Variants in MYO5A observed in about 807,000 individuals in gnomAD.
MYO5A encodes the protein myosin VA.
Under a neutral mutation model 249.7 loss-of-function variants are expected in MYO5A, and 98 were observed. That is an observed-to-expected ratio of 0.39 (90% confidence interval 0.33 to 0.46). The LOEUF is 0.46. Ranked by LOEUF, MYO5A falls within the 20% of genes least tolerant of loss-of-function variation. MYO5A has a pLI of 0.98. For missense variants in MYO5A, 1,696 were observed against 2,308.8 expected (o/e 0.73, Z 5.44); for synonymous variants, 778 against 810.6 (o/e 0.96, Z 0.68).
chr15:52,321,475 T>G lies in MYO5A; in HGVS notation c.4835A>C (p.Glu1612Ala). Residue 1612 changes from glutamate (E) to alanine (A), a missense_variant, in exon 38 of 42, where the codon GAA (glutamate) becomes GCA (alanine). Around this residue, in one of 5 missense-constraint regions of MYO5A, gnomAD observed 625 missense variants for 908.1 expected, o/e 0.69. Transcript: ENST00000399233. ...FMKHNTSRQN[E>A]HCLTNFDLAE... ...CAGGTCAAAATTGGTGAGGCAGTGT[T>G]CATTCTGGCGAGATGTGTTGTGCTT... is the stretch of plus-strand genomic sequence containing the variant. 1 of 1,614,224 alleles carries G rather than the reference T, an allele frequency of 6.2e-7. No homozygotes were observed. The highest frequency in any genetic ancestry group is 8.5e-7 in the Non-Finnish European group (1 of 1,180,040).
chr15:52,372,043 C>A, intron 21 of MYO5A, 81 bp downstream of exon 21: 1 of 1,601,592 alleles, frequency 6.2e-7, no homozygotes, highest in South Asian at 1.1e-5. Context: ...AGGGTAAAGT[C>A]AAAGAAAAAC....
intron 1 of MYO5A, among the ~76,000 whole-genome samples, chr15:52,436,302 CCT>C (rs1201948179): frequency 5.9e-5 from 9 of 152,242 alleles, no homozygotes; most frequent in Admixed American, 2.0e-4. Context: ...CTTTCCTTCC[CCT>C]GCCAACCTCT....
At chr15:52,323,324 C>G in intron 37 of MYO5A, 31 bp downstream of exon 37, 1 of 1,559,202 alleles carries the variant, frequency 6.4e-7, no homozygotes, top group Non-Finnish European at 8.8e-7. Context: ...GAAAGTATAG[C>G]ATGCTGGTTT....
chr15:52,337,844 T>C lies in MYO5A; in HGVS notation c.4280A>G (p.Gln1427Arg). 6.5e-7 allele frequency: 1 copy of C among 1,545,290 alleles called. No homozygotes were observed. Residue 1427 changes from glutamine (Q) to arginine (R), a missense_variant, in exon 33 of 42, where the codon CAA becomes CGA. Around this residue, in one of 5 missense-constraint regions of MYO5A, gnomAD observed 625 missense variants for 908.1 expected, o/e 0.69. Transcript: ENST00000399233. ...TTTGTAAAGGGAAATCCGATATGAT[T>C]GATACTTCTTAGGGTCATCTGCATA... ...ELYADDPKKY[Q>R]SYRISLYKRM...
chr15:52,496,084 A>C (rs1303158336), intron 1 of MYO5A, among the ~76,000 whole-genome samples: 1 of 83,950 alleles, frequency 1.2e-5, no homozygotes, highest in Non-Finnish European at 2.5e-5. Context: ...TTTTAAAAAA[A>C]AGAGAAATGA....
intron 9 of MYO5A, among the ~76,000 whole-genome samples, chr15:52,399,000 T>C (rs1264088078): frequency 6.7e-6 from 1 of 149,454 alleles, no homozygotes; most frequent in African/African-American, 2.5e-5. Context: ...AAAAAAAAAA[T>C]TTTTTTCTTA....
chr15:52,471,440 T>C (rs1420344739), intron 1 of MYO5A, among the ~76,000 whole-genome samples: 1 of 151,476 alleles, frequency 6.6e-6, no homozygotes, highest in African/African-American at 2.4e-5. Flanking sequence ...TCTGTCTCAT[T>C]TGAAAAAAGA....
chr15:52,423,562 A>AAAG (rs1567112483), intron 4 of MYO5A, among the ~76,000 whole-genome samples: 3 of 149,230 alleles, frequency 2.0e-5, no homozygotes, highest in African/African-American at 7.4e-5. Flanking sequence ...AAAAAAAAAA[A>AAAG]AAAAGAAAAC....
intron 15 of MYO5A, among the ~76,000 whole-genome samples, chr15:52,383,669 C>T (rs1466386691): frequency 1.3e-5 from 2 of 152,156 alleles, no homozygotes; most frequent in Admixed American, 6.5e-5. Flanking sequence ...GGACCTGGGT[C>T]AGGCCCTGTT....
At chr15:52,505,015 A>G (rs899031866) in intron 1 of MYO5A, among the ~76,000 whole-genome samples, 1 of 152,160 alleles carries the variant, frequency 6.6e-6, no homozygotes, top group African/African-American at 2.4e-5. Flanking sequence ...GTCGTTAAGA[A>G]CTCAGACTCG....
Position 52,323,361 on chromosome 15 carries a change from T to G in MYO5A, c.4794A>C (p.Gly1598=), listed in dbSNP as rs776134745. The change falls in exon 37 of 42, where the codon GGA becomes GGC. Residue 1598 remains glycine (G), a synonymous_variant. Coordinates refer to ENST00000399233, the MANE Select transcript of MYO5A (RefSeq NM_001382347.1). ...RFLHCLKQYS[G]EEGFMKHNTS... ...GTAATCAAGGTTTTCTCACCTCTTC[T>G]CCACTGTACTGTTTCAAGCAGTGCA... The G allele has an allele frequency of 1.9e-6, 3 of 1,612,670 alleles. No individual in the cohort carries two copies. The South Asian group carries it at 3.3e-5, about 18-fold the overall frequency.
At chr15:52,478,916 A>C (rs1364238049) in intron 1 of MYO5A, among the ~76,000 whole-genome samples, 1 of 152,104 alleles carries the variant, frequency 6.6e-6, no homozygotes, top group Non-Finnish European at 1.5e-5. Context: ...TTGTGTGGTT[A>C]TGTCTTTATA....
At chr15:52,399,275 C>T (rs2042635695) in intron 9 of MYO5A, among the ~76,000 whole-genome samples, 1 of 152,114 alleles carries the variant, frequency 6.6e-6, no homozygotes, top group Non-Finnish European at 1.5e-5. Context: ...AGAAGTTTAG[C>T]ACTATTTCAT....
rs939453617 is a variant in MYO5A at position 52,392,009 on chromosome 15, T to C, written c.1463A>G (p.Asp488Gly). ...MKEQIPWTLIDFYDNQPCINL... is the reference protein window; with the variant it reads ...MKEQIPWTLIGFYDNQPCINL... ...AATACAAGGCTGATTATCATAAAAA[T>C]CTATGAGTGTCCATGGAATTTGTTC... The change falls in exon 12 of 42, where the codon GAT becomes GGT. Residue 488 changes from aspartate (D) to glycine (G), a missense_variant. Coordinates refer to ENST00000399233, the MANE Select transcript of MYO5A (RefSeq NM_001382347.1). 1 of 1,611,662 alleles carries C rather than the reference T, an allele frequency of 6.2e-7. No individual in the cohort carries two copies. The highest frequency in any genetic ancestry group is 1.1e-5 in the South Asian group (1 of 91,046).
At chr15:52,355,798 T>C (rs1180216746) in intron 25 of MYO5A, among the ~76,000 whole-genome samples, 1 of 152,196 alleles carries the variant, frequency 6.6e-6, no homozygotes, top group Non-Finnish European at 1.5e-5. Flanking sequence ...TATAAGAGAC[T>C]TGAGCATCCT....
Position 52,311,366 on chromosome 15 carries a change from T to C in MYO5A, c.*2330A>G, listed in dbSNP as rs1197019904. On this transcript the variant is annotated 3_prime_UTR_variant, in exon 42 of 42. Transcript: ENST00000399233. ...CAACTTACAGCCTATCGGATGCTGT[T>C]AGATTCTGACACATTTGGTACGAAC... 3 of 152,174 alleles carry C rather than the reference T, an allele frequency of 2.0e-5. No individual in the cohort carries two copies. The highest frequency in any genetic ancestry group is 2.0e-4 in the Admixed American group (3 of 15,284). 9.4% of individuals were successfully genotyped at this position (152,174 alleles called of 1,614,324 possible). A position where few individuals can be genotyped will look rare whatever the true frequency, so the allele number is the denominator to read the frequency against.
intron 20 of MYO5A, among the ~76,000 whole-genome samples, chr15:52,374,574 T>C (rs1426194184): frequency 6.6e-6 from 1 of 152,190 alleles, no homozygotes; most frequent in East Asian, 1.9e-4. Context: ...ATTATTCTTA[T>C]AAGAGGCAGA....
At chr15:52,507,624 G>A (rs1224997331) in intron 1 of MYO5A, among the ~76,000 whole-genome samples, 1 of 151,960 alleles carries the variant, frequency 6.6e-6, no homozygotes, top group Admixed American at 6.6e-5. Flanking sequence ...AGACCAGCCT[G>A]AGCAACATGG....
chr15:52,431,121 A>G (rs111508366), intron 2 of MYO5A, among the ~76,000 whole-genome samples: 6,534 of 150,762 alleles, frequency 0.043, 482 homozygotes, highest in African/African-American at 0.15. Flanking sequence ...AATCCCAGCT[A>G]CTCAGGAAGC....
Sources: allele counts gnomAD v4.1 joint callset (sites outside exome capture counted in the v4.1 genomes callset), GRCh38; gene constraint gnomAD v4.1.1; regional missense constraint gnomAD v4.1.1; transcripts MANE v1.5; gene names NCBI Gene and HGNC (gene_info 2026-07-23, HGNC 2026-07-21).